Variants in HIP1 observed in about 807,000 individuals in gnomAD.
HIP1 encodes huntingtin-interacting protein 1.
Under a neutral mutation model 147.6 loss-of-function variants are expected in HIP1, and 65 were observed. That is an observed-to-expected ratio of 0.44 (90% confidence interval 0.36 to 0.54). HIP1 has a LOEUF of 0.54. Ranked by LOEUF, HIP1 falls within the 20% of genes least tolerant of loss-of-function variation. HIP1 has a pLI of 0.00. For synonymous variants in HIP1, 479 were observed against 504.0 expected (o/e 0.95, Z 0.67); for missense variants, 1,061 against 1,299.6 (o/e 0.82, Z 2.82).
intron 1 of HIP1, among the ~76,000 whole-genome samples, chr7:75,633,197 C>T (rs1220116109): frequency 6.6e-6 from 1 of 152,174 alleles, no homozygotes; most frequent in Non-Finnish European, 1.5e-5. Flanking sequence ...AGTACTTACT[C>T]ATGTGCATGC....
intron 1 of HIP1, among the ~76,000 whole-genome samples, chr7:75,635,530 AT>A (rs1798392672): frequency 6.8e-6 from 1 of 147,224 alleles, no homozygotes. Context: ...GTGAGCCGAG[AT>A]CGTGCCACTG....
At chr7:75,678,762 CA>C (rs1357441668) in intron 1 of HIP1, among the ~76,000 whole-genome samples, 5 of 152,200 alleles carry the variant, frequency 3.3e-5, no homozygotes, top group Non-Finnish European at 5.9e-5. Flanking sequence ...CGTGCTTTTC[CA>C]GCTCCTGCTT....
chr7:75,577,332 C>CAAAAAAAAAAAAAAA (rs61299057), intron 7 of HIP1, among the ~76,000 whole-genome samples: 9 of 96,888 alleles, frequency 9.3e-5, no homozygotes, highest in East Asian at 2.5e-4. Flanking sequence ...ATCCCATCTC[C>CAAAAAAAAAAAAAAA]AAAAAAAAAA....
rs1254503062 is a variant in HIP1 at position 75,609,290 on chromosome 7, A to T, written c.121-10043T>A. On this transcript the variant is annotated intron_variant, in intron 1 of 30. Transcript: ENST00000336926. Reference sequence around the variant, plus strand: ...GAGCCCACTCTATGGTTTGGGGCCCATTGCCGAGTCTGTGGCAAGGCTTCT... The same window carrying T: ...GAGCCCACTCTATGGTTTGGGGCCCTTTGCCGAGTCTGTGGCAAGGCTTCT... 2.0e-5 allele frequency among the ~76,000 whole-genome samples: 3 copies of T among 152,068 alleles called. No homozygotes were observed. In the East Asian group the frequency reaches 5.8e-4, roughly 29 times the overall value.
chr7:75,588,898 T>C (rs1796376826), intron 4 of HIP1, among the ~76,000 whole-genome samples: 1 of 152,132 alleles, frequency 6.6e-6, no homozygotes, highest in South Asian at 2.1e-4. Flanking sequence ...ATGCCTGTAA[T>C]CCTAGCAATT....
intron 1 of HIP1, among the ~76,000 whole-genome samples, chr7:75,632,563 T>C (rs28374060): frequency 0.032 from 1,627 of 50,888 alleles, 31 homozygotes; most frequent in African/African-American, 0.12. Context: ...AATTTTTTCT[T>C]TTTTTTTTTT....
At chr7:75,663,967 T>C (rs62475503) in intron 1 of HIP1, among the ~76,000 whole-genome samples, 201 of 13,160 alleles carry the variant, frequency 0.015, 5 homozygotes, top group Middle Eastern at 0.038. Context: ...TGTGTATATA[T>C]ATATACACAT....
chr7:75,664,552 ATGTATG>A (rs1799497313), intron 1 of HIP1, among the ~76,000 whole-genome samples: 1 of 150,232 alleles, frequency 6.7e-6, no homozygotes, highest in Non-Finnish European at 1.5e-5. Context: ...ATACATATAT[ATGTATG>A]TGTATGTATA....
At position 75,563,270 on chromosome 7, in the gene HIP1, G is replaced by A. The variant is rs782171862; in HGVS notation, c.804-7C>T. Reference sequence around the variant, plus strand: ...GTAGAACAGATCTTTCAACCTAGGGGTGGAGAAGGACCTGAGGGGTGCTGG... The same window carrying A: ...GTAGAACAGATCTTTCAACCTAGGGATGGAGAAGGACCTGAGGGGTGCTGG... On this transcript the variant is annotated splice_polypyrimidine_tract_variant and splice_region_variant and intron_variant, in intron 9 of 30. Coordinates refer to ENST00000336926, the MANE Select transcript of HIP1 (RefSeq NM_005338.7). 1.2e-6 allele frequency: 2 copies of A among 1,614,030 alleles called. No homozygotes were observed. Among genetic ancestry groups the A allele is most frequent in the Admixed American group, 3.3e-5 (2 of 60,024 alleles).
intron 29 of HIP1, among the ~76,000 whole-genome samples, chr7:75,540,316 C>A (rs1026125241): frequency 6.6e-6 from 1 of 151,566 alleles, no homozygotes; most frequent in Admixed American, 6.6e-5. Flanking sequence ...GTAATCCCAG[C>A]TACTTTGGAG....
At chr7:75,581,507 G>A (rs1174099740) in intron 6 of HIP1, among the ~76,000 whole-genome samples, 5 of 152,158 alleles carry the variant, frequency 3.3e-5, no homozygotes, top group Admixed American at 6.6e-5. Context: ...GGTCGGGGGC[G>A]GTGGCTCACG....
At chr7:75,570,294 C>CTTT (rs782607899) in intron 8 of HIP1, among the ~76,000 whole-genome samples, 1 of 135,192 alleles carries the variant, frequency 7.4e-6, no homozygotes, top group Non-Finnish European at 1.6e-5. Flanking sequence ...TGACACGTTT[C>CTTT]TTTTTTTTTT....
chr7:75,587,879 A>C (rs1441122660), intron 4 of HIP1, among the ~76,000 whole-genome samples: 2 of 152,166 alleles, frequency 1.3e-5, no homozygotes, highest in African/African-American at 4.8e-5. Context: ...TGGGAGGATC[A>C]CTTGAGCCCA....
intron 1 of HIP1, among the ~76,000 whole-genome samples, chr7:75,609,592 C>T (rs1352712835): frequency 2.0e-5 from 3 of 151,682 alleles, no homozygotes; most frequent in African/African-American, 2.4e-5. Flanking sequence ...AGAGTCTTGC[C>T]CTGTCGCCAG....
At chr7:75,633,425 T>TCCC (rs1554509218) in intron 1 of HIP1, among the ~76,000 whole-genome samples, 10 of 152,134 alleles carry the variant, frequency 6.6e-5, no homozygotes, top group Non-Finnish European at 1.2e-4. Flanking sequence ...CCCGAGCAGC[T>TCCC]GGGATTACAG....
intron 1 of HIP1, among the ~76,000 whole-genome samples, chr7:75,726,795 G>A (rs148999395): frequency 1.7e-4 from 24 of 143,412 alleles, no homozygotes; most frequent in African/African-American, 5.2e-4. Flanking sequence ...TGCAACCTCC[G>A]CCTCCCAAAT....
At chr7:75,555,974 GC>G (rs1376145042) in intron 18 of HIP1, 51 bp downstream of exon 18, 1 of 1,602,382 alleles carries the variant, frequency 6.2e-7, no homozygotes, top group African/African-American at 1.3e-5. Flanking sequence ...ATGCGCAGAG[GC>G]CCTCGGTGGG....
At chr7:75,680,860 C>T (rs1354129962) in intron 1 of HIP1, among the ~76,000 whole-genome samples, 1 of 152,148 alleles carries the variant, frequency 6.6e-6, no homozygotes, top group East Asian at 1.9e-4. Context: ...ACTGCAAGCT[C>T]CGCCTCCCAG....
chr7:75,564,880 G>C (rs900383822), intron 9 of HIP1, among the ~76,000 whole-genome samples: 6 of 152,026 alleles, frequency 3.9e-5, no homozygotes, highest in African/African-American at 9.7e-5. Context: ...TTATAGGTGA[G>C]AGCCACCATG....
Sources: gnomAD v4.1 joint callset for allele counts (sites outside exome capture counted in the v4.1 genomes callset) on GRCh38, gnomAD v4.1.1 for gene constraint, MANE v1.5 for transcripts, NCBI Gene and HGNC (gene_info 2026-07-23, HGNC 2026-07-21) for gene names.